MROH9: variants seen among roughly 807,000 people sequenced by gnomAD.
MROH9 encodes the protein maestro heat-like repeat-containing protein family member 9.
In MROH9, 92 loss-of-function variants were observed where a neutral mutation model predicts 98.2. That is an observed-to-expected ratio of 0.94 (90% CI 0.79 to 1.11). The LOEUF (loss-of-function observed/expected upper bound fraction) is 1.11, where lower values mean the gene tolerates loss of function less well. MROH9 is among the 50% of genes most tolerant of loss of function. MROH9 has a pLI of 0.00. For synonymous variants in MROH9, 397 were observed against 368.9 expected (o/e 1.08, Z -0.87); for missense variants, 1,057 against 1,014.8 (o/e 1.04, Z -0.57).
intron 17 of MROH9, among the ~76,000 whole-genome samples, chr1:171,020,186 C>A (rs1212637986): frequency 1.3e-5 from 2 of 152,068 alleles, no homozygotes; most frequent in South Asian, 2.1e-4. Flanking sequence ...ACTAGACATA[C>A]AAAGAGGAGC....
rs1454984109 is a variant in MROH9, at chr1:171,053,642, T to C, written c.2282-8490T>C. Reference sequence around the variant, plus strand: ...AATAGTAGATATAGAATGAATAATATATCATTGTTGCAGTTATTAGATATA... The same window carrying C: ...AATAGTAGATATAGAATGAATAATACATCATTGTTGCAGTTATTAGATATA... On this transcript the variant is annotated intron_variant, in intron 20 of 21. Transcript: ENST00000367759. Among the ~76,000 whole-genome samples, 3 of 152,188 alleles carry C rather than the reference T, an allele frequency of 2.0e-5. 1 individual carries two copies. Among genetic ancestry groups the C allele is most frequent in the African/African-American group, 7.2e-5 (3 of 41,448 alleles).
intron 20 of MROH9, among the ~76,000 whole-genome samples, chr1:171,035,504 C>T (rs969681995): frequency 6.6e-6 from 1 of 151,712 alleles, no homozygotes; most frequent in East Asian, 1.9e-4. Flanking sequence ...AAGGCAACCA[C>T]CAAATGGAAG....
At position 171,016,159 on chromosome 1, in the gene MROH9, G is replaced by T. The variant is rs1209498664; in HGVS notation, c.1735-4G>T. On this transcript the variant is annotated splice_polypyrimidine_tract_variant and splice_region_variant and intron_variant, in intron 16 of 21. Coordinates refer to ENST00000367759, the MANE Select transcript of MROH9 (RefSeq NM_001163629.2). ...ATCCCACCATTTTTTCCTTTTATAT[G>T]TAGACAGAAAATGTCAGCAGTATAT... 13 of 1,451,164 alleles carry T rather than the reference G, an allele frequency of 9.0e-6. No individual in the cohort carries two copies. The Admixed American group carries it at 1.1e-4, about 12-fold the overall frequency. The allele number at this position is 1,451,164 out of a possible 1,614,324, so 89.9% of individuals were successfully genotyped here. A position where few individuals can be genotyped will look rare whatever the true frequency, so the allele number is the denominator to read the frequency against.
At chr1:170,946,341 C>T (rs567273360) in intron 2 of MROH9, among the ~76,000 whole-genome samples, 2 of 151,936 alleles carry the variant, frequency 1.3e-5, no homozygotes, top group South Asian at 4.2e-4. Flanking sequence ...CTAACCAGTG[C>T]TCTTCAAAAC....
At chr1:171,008,252 T>C (rs1395080600) in intron 15 of MROH9, among the ~76,000 whole-genome samples, 1 of 152,196 alleles carries the variant, frequency 6.6e-6, no homozygotes, top group Non-Finnish European at 1.5e-5. Context: ...TAATTTTTTA[T>C]GTAACTTATT....
At position 171,016,201 on chromosome 1, in the gene MROH9, T is replaced by A; in HGVS notation, c.1773T>A (p.Asp591Glu). The change falls in exon 17 of 22, where the codon GAT becomes GAA. Residue 591 changes from aspartate (D) to glutamate (E), a missense_variant. By Grantham distance (45) the Asp-to-Glu change is conservative (BLOSUM62 2). Coordinates refer to ENST00000367759, the MANE Select transcript of MROH9 (RefSeq NM_001163629.2). ...GCAGTATATTAATAGCCATCCTGGA[T>A]GCCTTCCTTTCCAAAGACGATAATG... Reference protein sequence around the residue: ...NVSSILIAILDAFLSKDDNVV... With the variant: ...NVSSILIAILEAFLSKDDNVV... 2 of 1,535,054 alleles carry A rather than the reference T, an allele frequency of 1.3e-6. No individual in the cohort carries two copies. Among genetic ancestry groups the A allele is most frequent in the Non-Finnish European group, 1.8e-6 (2 of 1,140,112 alleles).
At chr1:171,035,995 C>A (rs1307954591) in intron 20 of MROH9, among the ~76,000 whole-genome samples, 1 of 152,052 alleles carries the variant, frequency 6.6e-6, no homozygotes, top group Non-Finnish European at 1.5e-5. Context: ...ACCCAATCCT[C>A]CAAATCAACA....
chr1:171,000,962 G>A (rs1442218940), intron 15 of MROH9, among the ~76,000 whole-genome samples: 5 of 151,846 alleles, frequency 3.3e-5, no homozygotes, highest in Non-Finnish European at 7.4e-5. Context: ...CCTGATTTAA[G>A]CTAGGGGAGT....
intron 20 of MROH9, among the ~76,000 whole-genome samples, chr1:171,027,339 A>G (rs577945302): frequency 6.6e-6 from 1 of 152,308 alleles, no homozygotes; most frequent in African/African-American, 2.4e-5. Context: ...TTTGCTGAGA[A>G]TGATGGCTTC....
intron 20 of MROH9, among the ~76,000 whole-genome samples, chr1:171,049,068 A>G (rs1403955731): frequency 6.6e-6 from 1 of 152,106 alleles, no homozygotes; most frequent in Non-Finnish European, 1.5e-5. Flanking sequence ...CCTCAAGGGA[A>G]AGGAAAGTGT....
At chr1:170,989,247 A>C (rs28459328) in intron 10 of MROH9, among the ~76,000 whole-genome samples, 4,334 of 152,260 alleles carry the variant, frequency 0.028, 202 homozygotes, top group African/African-American at 0.1. Flanking sequence ...GAGTGGATTA[A>C]ATTTGATATT....
At position 170,958,422 on chromosome 1, in the gene MROH9, A is replaced by AAT. The variant is rs776369432; in HGVS notation, c.73-38_73-37dup. On this transcript the variant is annotated intron_variant, in intron 3 of 21. Transcript: ENST00000367759. Reference sequence around the variant, plus strand: ...TGAGTCTCACTGCTCTGTAATCATTAATTCTTCTTTTTTTTTTTTTTTTTA... The same window carrying AAT: ...TGAGTCTCACTGCTCTGTAATCATTAATATTCTTCTTTTTTTTTTTTTTTTTA... 3 of 1,174,194 alleles carry AAT rather than the reference A, an allele frequency of 2.6e-6. No homozygotes were observed. In the East Asian group the frequency reaches 7.2e-5, roughly 28 times the overall value. The allele number at this position is 1,174,194 out of a possible 1,614,324, so 72.7% of individuals were successfully genotyped here. A position where few individuals can be genotyped will look rare whatever the true frequency, so the allele number is the denominator to read the frequency against.
intron 16 of MROH9, among the ~76,000 whole-genome samples, chr1:171,015,579 C>G (rs957247556): frequency 9.2e-5 from 14 of 152,012 alleles, no homozygotes; most frequent in African/African-American, 2.7e-4. Context: ...TTTTTCCTTG[C>G]CTTCTATTCT....
At chr1:171,045,408 CT>C in intron 20 of MROH9, among the ~76,000 whole-genome samples, 1 of 152,116 alleles carries the variant, frequency 6.6e-6, no homozygotes, top group African/African-American at 2.4e-5. Context: ...GGTTTTTCCT[CT>C]TTTTTGATAT....
At chr1:170,935,617 A>T (rs372084026) in intron 1 of MROH9, 30 bp downstream of exon 1, 2 of 152,174 alleles carry the variant, frequency 1.3e-5, no homozygotes, top group African/African-American at 4.8e-5. Context: ...TATTTCTGTC[A>T]TTCAAAAGCT....
intron 21 of MROH9, among the ~76,000 whole-genome samples, chr1:171,063,452 C>T (rs974721999): frequency 5.4e-4 from 82 of 152,164 alleles, no homozygotes; most frequent in African/African-American, 2.0e-3. Flanking sequence ...TGAGGTTTCA[C>T]CGTGTTAGCC....
In MROH9 at chr1:171,064,495, T is replaced by C. The variant is rs900204013; in HGVS notation, c.*155T>C. On this transcript the variant is annotated 3_prime_UTR_variant, in exon 22 of 22. Transcript: ENST00000367759. The stretch of plus-strand genomic sequence containing the variant: ...TGAAAAATTCTGGAAGCTTTTACTG[T>C]TACTTCTTAATTCTCTATTCAAATA... 1 of 682,690 alleles carries C rather than the reference T, an allele frequency of 1.5e-6. No individual in the cohort carries two copies. The highest frequency in any genetic ancestry group is 2.3e-6 in the Non-Finnish European group (1 of 433,520). 42.3% of individuals were successfully genotyped at this position (682,690 alleles called of 1,614,324 possible).
chr1:170,951,015 T>G (rs1209890290), intron 3 of MROH9, among the ~76,000 whole-genome samples: 1 of 151,786 alleles, frequency 6.6e-6, no homozygotes, highest in Admixed American at 6.6e-5. Context: ...GGGAGAGGGG[T>G]CCTAATGAAT....
At chr1:170,986,339 CAT>C (rs941001806) in intron 9 of MROH9, among the ~76,000 whole-genome samples, 2 of 152,122 alleles carry the variant, frequency 1.3e-5, no homozygotes, top group African/African-American at 2.4e-5. Flanking sequence ...AAAAATTAAA[CAT>C]AATTTCACTT....
Sources: gnomAD v4.1 joint callset for allele counts (sites outside exome capture counted in the v4.1 genomes callset) on GRCh38, gnomAD v4.1.1 for gene constraint, MANE v1.5 for transcripts, NCBI Gene and HGNC (gene_info 2026-07-23, HGNC 2026-07-21) for gene names.